Variants in GLT8D2 observed in about 807,000 individuals in gnomAD.
The protein encoded by GLT8D2 is glycosyltransferase 8 domain containing 2.
In GLT8D2, 45 loss-of-function variants were observed where a neutral mutation model predicts 44.5. The observed-to-expected ratio is 1.01, with a 90% confidence interval of 0.80 to 1.30. GLT8D2 has a LOEUF of 1.30. Ranked by LOEUF, GLT8D2 falls within the 50% of genes most tolerant of loss-of-function variation. The pLI is 0.00. For synonymous variants in GLT8D2, 156 were observed against 157.2 expected (o/e 0.99, Z 0.06); for missense variants, 400 against 430.4 (o/e 0.93, Z 0.62).
chr12:104,061,329 A>G (rs1343576842), intron 1 of GLT8D2, among the ~76,000 whole-genome samples: 1 of 152,152 alleles, frequency 6.6e-6, no homozygotes, highest in Non-Finnish European at 1.5e-5. Flanking sequence ...AATATCATAG[A>G]CTAGTTTTTT....
At chr12:104,016,106 C>T (rs550118699) in intron 3 of GLT8D2, among the ~76,000 whole-genome samples, 2 of 151,988 alleles carry the variant, frequency 1.3e-5, no homozygotes, top group South Asian at 4.2e-4. Context: ...GCTAGGGCTT[C>T]CACTACTATG....
intron 1 of GLT8D2, among the ~76,000 whole-genome samples, chr12:104,035,964 A>G (rs141688144): frequency 0.037 from 5,591 of 152,334 alleles, 180 homozygotes; most frequent in South Asian, 0.083. Flanking sequence ...GACTAACAGC[A>G]GATCTCTCAG....
At chr12:104,002,161 A>G (rs1271806154) in intron 5 of GLT8D2, among the ~76,000 whole-genome samples, 1 of 151,908 alleles carries the variant, frequency 6.6e-6, no homozygotes, top group African/African-American at 2.4e-5. Context: ...AGGTCTTGTT[A>G]TGTTGCCCAG....
intron 1 of GLT8D2, among the ~76,000 whole-genome samples, chr12:104,059,376 A>G (rs1462483537): frequency 6.6e-6 from 1 of 152,076 alleles, no homozygotes; most frequent in African/African-American, 2.4e-5. Context: ...TACTTCACTA[A>G]GTACTCAGGA....
At chr12:104,046,049 A>C (rs1881116097) in intron 1 of GLT8D2, among the ~76,000 whole-genome samples, 1 of 152,208 alleles carries the variant, frequency 6.6e-6, no homozygotes, top group Non-Finnish European at 1.5e-5. Context: ...CTGGGAATCA[A>C]AAAGCAAGAT....
intron 1 of GLT8D2, among the ~76,000 whole-genome samples, chr12:104,028,067 G>C (rs117560271): frequency 6.6e-6 from 1 of 152,190 alleles, no homozygotes; most frequent in Non-Finnish European, 1.5e-5. Flanking sequence ...ATCTTTCCCC[G>C]TCCAGTGTGT....
chr12:104,033,567 G>A (rs1443034119), intron 1 of GLT8D2, among the ~76,000 whole-genome samples: 4 of 152,098 alleles, frequency 2.6e-5, no homozygotes, highest in Admixed American at 2.0e-4. Context: ...AAGTTCTGGA[G>A]ACCTAATGCA....
chr12:104,049,732 T>C (rs1471226944), intron 1 of GLT8D2, among the ~76,000 whole-genome samples, 163 bp downstream of exon 1: 2 of 152,218 alleles, frequency 1.3e-5, no homozygotes, highest in Non-Finnish European at 2.9e-5. Context: ...TCCGCTGGAA[T>C]GCTACCAGTT....
At chr12:104,040,766 G>A (rs1880457725) in intron 1 of GLT8D2, among the ~76,000 whole-genome samples, 1 of 152,138 alleles carries the variant, frequency 6.6e-6, no homozygotes, top group South Asian at 2.1e-4. Flanking sequence ...TAAGTACTAT[G>A]AGACTCGAGT....
At chr12:104,036,672 G>A (rs1412813792) in intron 1 of GLT8D2, among the ~76,000 whole-genome samples, 1 of 152,160 alleles carries the variant, frequency 6.6e-6, no homozygotes, top group Non-Finnish European at 1.5e-5. Context: ...CAAGTCCTTA[G>A]AGACCTACAA....
chr12:104,041,953 A>C (rs1170847700), intron 1 of GLT8D2, among the ~76,000 whole-genome samples: 1 of 152,170 alleles, frequency 6.6e-6, no homozygotes, highest in Non-Finnish European at 1.5e-5. Context: ...ATGTTTCCTT[A>C]CTAGAACGCA....
At position 103,997,517 on chromosome 12, in the gene GLT8D2, A is replaced by G; in HGVS notation, c.421T>C (p.Tyr141His). 3 of 1,613,444 alleles carry G rather than the reference A, an allele frequency of 1.9e-6. No homozygotes were observed. Among genetic ancestry groups the G allele is most frequent in the Non-Finnish European group, 2.5e-6 (3 of 1,179,348 alleles). The change falls in exon 7 of 11, where the codon TAT becomes CAT. Residue 141 changes from tyrosine to histidine, a missense_variant. Physicochemically the swap from Tyr to His is moderately conservative, Grantham distance 83 (BLOSUM62 2). Transcript: ENST00000360814. ...TGTTGGTGGATAAGTAGAGGGAGAT[A>G]AAATCGAACAAAGTTCAGCTGTTAA... is the stretch of plus-strand genomic sequence containing the variant. ...LLQPLNFVRFYLPLLIHQHEK... is the reference protein window; with the variant it reads ...LLQPLNFVRFHLPLLIHQHEK...
At chr12:104,030,329 C>A (rs1879096757) in intron 1 of GLT8D2, among the ~76,000 whole-genome samples, 1 of 151,974 alleles carries the variant, frequency 6.6e-6, no homozygotes, top group South Asian at 2.1e-4. Flanking sequence ...TTATCATACA[C>A]AAAACCAGCT....
chr12:103,992,883 G>A (rs904731174), intron 10 of GLT8D2, among the ~76,000 whole-genome samples: 4 of 152,126 alleles, frequency 2.6e-5, no homozygotes, highest in Non-Finnish European at 4.4e-5. Context: ...CCAGAAACAC[G>A]CTCCTCAGGT....
chr12:104,062,627 T>G (rs1216307361), intron 1 of GLT8D2, among the ~76,000 whole-genome samples: 1 of 152,148 alleles, frequency 6.6e-6, no homozygotes, highest in Non-Finnish European at 1.5e-5. Flanking sequence ...ACTGGACTTG[T>G]ATCTCTTATT....
Position 104,024,930 on chromosome 12 carries a change from C to T in GLT8D2, c.-163-3439G>A, listed in dbSNP as rs1311749167. 4.0e-5 allele frequency among the ~76,000 whole-genome samples: 6 copies of T among 151,822 alleles called. No homozygotes were observed. In the South Asian group the frequency reaches 8.3e-4, roughly 21 times the overall value. ...TACTAAAACACAAAAATTAACCAGGCGTGGTGGTGCAGGTCTGCAATCCCA... is the reference window on the plus strand; with the variant it reads ...TACTAAAACACAAAAATTAACCAGGTGTGGTGGTGCAGGTCTGCAATCCCA... On this transcript the variant is annotated intron_variant, in intron 1 of 10. Transcript: ENST00000360814.
intron 1 of GLT8D2, among the ~76,000 whole-genome samples, chr12:104,039,734 G>T (rs1234785793): frequency 6.6e-6 from 1 of 152,226 alleles, no homozygotes; most frequent in Non-Finnish European, 1.5e-5. Flanking sequence ...GGAAGACAGT[G>T]TGGTGATGCC....
In GLT8D2 at chr12:104,016,209, C is replaced by G. The variant is rs188081977; in HGVS notation, c.20-1104G>C. Among the ~76,000 whole-genome samples, 258 of 152,258 alleles carry G rather than the reference C, an allele frequency of 1.7e-3. 1 individual carries two copies. Among genetic ancestry groups the G allele is most frequent in the African/African-American group, 6.0e-3 (250 of 41,546 alleles). On this transcript the variant is annotated intron_variant, in intron 3 of 10. Transcript: ENST00000360814. ...TTTTCCCCATTTAGTATGATACTAG[C>G]TGTGGGTCTGCCGTATGTGGCTTTT...
At chr12:104,017,956 T>C (rs985086779) in intron 3 of GLT8D2, among the ~76,000 whole-genome samples, 3 of 152,118 alleles carry the variant, frequency 2.0e-5, no homozygotes, top group African/African-American at 7.2e-5. Flanking sequence ...GCATCATTGT[T>C]ATTATTATTT....
Sources: gnomAD v4.1 joint callset for allele counts (sites outside exome capture counted in the v4.1 genomes callset) on GRCh38, gnomAD v4.1.1 for gene constraint, MANE v1.5 for transcripts, NCBI Gene and HGNC (gene_info 2026-07-23, HGNC 2026-07-21) for gene names.